ABCA4: variants seen among roughly 807,000 people sequenced by gnomAD.
ABCA4 encodes ATP binding cassette subfamily A member 4.
Under a neutral mutation model 263.7 loss-of-function variants are expected in ABCA4, and 196 were observed. The observed-to-expected ratio is 0.74, with a 90% CI of 0.66 to 0.84. ABCA4 has a LOEUF of 0.84. ABCA4 is among the 40% of genes least tolerant of loss of function. The probability of loss-of-function intolerance (pLI) is 0.00; values close to 1 mark genes in which losing one functional copy is unlikely to be tolerated. For synonymous variants in ABCA4, 1,133 were observed against 1,094.2 expected (o/e 1.04, Z -0.70); for missense variants, 2,792 against 2,855.1 (o/e 0.98, Z 0.50).
intron 40 of ABCA4, 32 bp from the exon 41 acceptor site, chr1:94,008,903 G>C: frequency 5.6e-6 from 9 of 1,608,648 alleles, no homozygotes; most frequent in Non-Finnish European, 7.6e-6. Flanking sequence ...GGATTGGGCT[G>C]GCTGTACAGT....
chr1:94,003,449 A>G (rs1332300619), intron 44 of ABCA4, among the ~76,000 whole-genome samples: 1 of 151,818 alleles, frequency 6.6e-6, no homozygotes, highest in Non-Finnish European at 1.5e-5. Context: ...TGGATTCTAC[A>G]TAAGTGAAAT....
chr1:94,008,721 G>A, intron 41 of ABCA4, 30 bp downstream of exon 41: 2 of 1,613,668 alleles, frequency 1.2e-6, no homozygotes, highest in African/African-American at 1.3e-5. Context: ...GATCTAACCA[G>A]CACCTCCAAA....
chr1:94,108,519 C>A, intron 4 of ABCA4, 58 bp downstream of exon 4: 1 of 1,608,960 alleles, frequency 6.2e-7, no homozygotes, highest in African/African-American at 1.3e-5. Flanking sequence ...TTTCCTATAT[C>A]TTCAGTCTCT....
rs2101100839 is a variant in ABCA4 at position 94,077,684 on chromosome 1, C to G, written c.1554+6G>C. On this transcript the variant is annotated splice_donor_region_variant and intron_variant, in intron 11 of 49. Transcript: ENST00000370225. The stretch of plus-strand genomic sequence containing the variant: ...GGGGCCCACTGTGGGGCTTGCAGCC[C>G]CTTACCTCCAGGTATTGATTGACCA... 6.2e-7 allele frequency: 1 copy of G among 1,607,982 alleles called. No individual in the cohort carries two copies.
chr1:94,021,485 T>G (rs376225795), intron 34 of ABCA4, 76 bp from the exon 35 acceptor site: 2 of 1,597,674 alleles, frequency 1.3e-6, no homozygotes, highest in Non-Finnish European at 1.7e-6. Context: ...GAAAGGAAAT[T>G]TGAGAAGCAG....
At chr1:94,039,365 T>G (rs1337687804) in intron 24 of ABCA4, among the ~76,000 whole-genome samples, 1 of 152,248 alleles carries the variant, frequency 6.6e-6, no homozygotes, top group East Asian at 1.9e-4. Flanking sequence ...AAATATGCCT[T>G]TTCTTTGATA....
intron 6 of ABCA4, among the ~76,000 whole-genome samples, chr1:94,086,357 A>G (rs1428569995): frequency 6.6e-6 from 1 of 152,152 alleles, no homozygotes. Context: ...TCTTTTTTTA[A>G]AAGGGTAAAT....
intron 17 of ABCA4, among the ~76,000 whole-genome samples, chr1:94,050,707 C>T: frequency 6.6e-6 from 1 of 151,182 alleles, no homozygotes; most frequent in East Asian, 1.9e-4. Context: ...GTAGACAAGT[C>T]AATACAATGA....
Position 94,011,305 on chromosome 1 carries a change from G to C in ABCA4, c.5541C>G (p.Asp1847Glu). The C allele has an allele frequency of 6.2e-7, 1 of 1,614,122 alleles. No homozygotes were observed. Among genetic ancestry groups the C allele is most frequent in the Non-Finnish European group, 8.5e-7 (1 of 1,180,018 alleles). The change falls in exon 39 of 50, where the codon GAC becomes GAG. Residue 1847 changes from aspartate (D) to glutamate (E), a missense_variant. Asp to Glu is a conservative substitution (Grantham distance 45). Transcript: ENST00000370225. ...PHFCLGRGLIDLALSQAVTDV... is the reference protein window; with the variant it reads ...PHFCLGRGLIELALSQAVTDV... The stretch of plus-strand genomic sequence containing the variant: ...CTGTCACAGCCTGGCTCAGTGCAAG[G>C]TCAATGAGGCCCCGGCCCAGGCAGA...
chr1:94,079,915 C>A (rs188000451), intron 8 of ABCA4, among the ~76,000 whole-genome samples: 1 of 152,100 alleles, frequency 6.6e-6, no homozygotes, highest in Admixed American at 6.5e-5. Context: ...TCCCTTGCTG[C>A]CTCTTTTCAG....
At chr1:93,997,830 C>T in intron 48 of ABCA4, 31 bp downstream of exon 48, 1 of 1,613,630 alleles carries the variant, frequency 6.2e-7, no homozygotes, top group Non-Finnish European at 8.5e-7. Flanking sequence ...CCAGTCTTTG[C>T]TCAGCTCTCG....
intron 38 of ABCA4, among the ~76,000 whole-genome samples, chr1:94,013,767 A>G (rs1346222586): frequency 2.6e-5 from 4 of 152,200 alleles, no homozygotes; most frequent in African/African-American, 7.2e-5. Context: ...CATGGAGAAC[A>G]CCCAGTCTCT....
At chr1:94,104,581 G>A (rs143557896) in intron 4 of ABCA4, among the ~76,000 whole-genome samples, 1 of 152,276 alleles carries the variant, frequency 6.6e-6, no homozygotes, top group Non-Finnish European at 1.5e-5. Context: ...CAACCCCACA[G>A]GCCTGTCCAT....
At chr1:94,019,020 T>A (rs947183700) in intron 36 of ABCA4, among the ~76,000 whole-genome samples, 17 of 66,184 alleles carry the variant, frequency 2.6e-4, no homozygotes, top group East Asian at 2.3e-3. Context: ...AACAACCAGG[T>A]TTTTTTTTTT....
intron 16 of ABCA4, 125 bp downstream of exon 16, chr1:94,054,986 A>G (rs747468955): frequency 6.7e-6 from 7 of 1,044,194 alleles, no homozygotes; most frequent in Non-Finnish European, 1.0e-5. Context: ...TAACTTCTAG[A>G]TTTAAACTTC....
intron 23 of ABCA4, among the ~76,000 whole-genome samples, 168 bp downstream of exon 23, chr1:94,041,041 G>C (rs759590036): frequency 6.6e-6 from 1 of 152,220 alleles, no homozygotes; most frequent in Non-Finnish European, 1.5e-5. Flanking sequence ...ATCTCTGTAG[G>C]AGGAGGCTTC....
intron 22 of ABCA4, 123 bp from the exon 23 acceptor site, chr1:94,041,525 C>A: frequency 6.2e-6 from 6 of 963,722 alleles, no homozygotes; most frequent in African/African-American, 1.6e-5. Context: ...AAAAAAAAAA[C>A]CCAAGGGAAC....
At chr1:94,022,543 G>A (rs1486655185) in intron 32 of ABCA4, among the ~76,000 whole-genome samples, 1 of 152,080 alleles carries the variant, frequency 6.6e-6, no homozygotes, top group Non-Finnish European at 1.5e-5. Context: ...GCCTGGACTT[G>A]TGCTCTGCTT....
intron 21 of ABCA4, 32 bp from the exon 22 acceptor site, chr1:94,042,930 G>C: frequency 6.2e-7 from 1 of 1,614,008 alleles, no homozygotes; most frequent in South Asian, 1.1e-5. Flanking sequence ...GAGAGTTAAG[G>C]GGCTGTGGAG....
Sources: gnomAD v4.1 joint callset for allele counts (sites outside exome capture counted in the v4.1 genomes callset) on GRCh38, gnomAD v4.1.1 for gene constraint, MANE v1.5 for transcripts, NCBI Gene and HGNC (gene_info 2026-07-23, HGNC 2026-07-21) for gene names.